Variants in MIPEP observed in about 807,000 individuals in gnomAD.
MIPEP encodes the protein mitochondrial intermediate peptidase.
MIPEP carries 79 observed loss-of-function variants against 90.3 expected under a neutral mutation model. That is an observed-to-expected ratio of 0.87 (90% CI 0.73 to 1.05). The LOEUF is 1.05. Ranked by LOEUF, MIPEP falls within the 50% of genes least tolerant of loss-of-function variation. The pLI, the probability that MIPEP is intolerant of heterozygous loss-of-function variation, is 0.00. For missense variants in MIPEP, 940 were observed against 905.6 expected (o/e 1.04, Z -0.49); for synonymous variants, 334 against 315.8 (o/e 1.06, Z -0.61).
intron 16 of MIPEP, among the ~76,000 whole-genome samples, chr13:23,805,528 CAAGAT>C (rs1006282687): frequency 1.1e-4 from 16 of 152,142 alleles, no homozygotes; most frequent in African/African-American, 3.4e-4. Context: ...TGGTACTCAA[CAAGAT>C]AAGATATGTA....
intron 17 of MIPEP, 95 bp from the exon 18 acceptor site, chr13:23,756,713 T>G: frequency 8.4e-7 from 1 of 1,189,214 alleles, no homozygotes; most frequent in Non-Finnish European, 1.2e-6. Flanking sequence ...GATGCCATAT[T>G]CATAAAAGCT....
intron 18 of MIPEP, among the ~76,000 whole-genome samples, chr13:23,743,680 T>G (rs1360827416): frequency 1.3e-5 from 2 of 152,236 alleles, no homozygotes; most frequent in Admixed American, 1.3e-4. Context: ...TTAGTTTATT[T>G]TAATTTCATT....
At chr13:23,786,060 A>C (rs1952835859) in intron 16 of MIPEP, among the ~76,000 whole-genome samples, 1 of 152,062 alleles carries the variant, frequency 6.6e-6, no homozygotes, top group Non-Finnish European at 1.5e-5. Flanking sequence ...CTCTACAAAA[A>C]ACAGTAATAA....
chr13:23,768,711 G>C (rs1200156400), intron 16 of MIPEP, among the ~76,000 whole-genome samples: 1 of 152,094 alleles, frequency 6.6e-6, no homozygotes, highest in Non-Finnish European at 1.5e-5. Flanking sequence ...CTCCAGCCTG[G>C]GTGACAGAGT....
intron 4 of MIPEP, among the ~76,000 whole-genome samples, chr13:23,878,360 T>G (rs1871151118): frequency 6.6e-6 from 1 of 152,170 alleles, no homozygotes; most frequent in Non-Finnish European, 1.5e-5. Context: ...CCTCAAAGAC[T>G]GAGTTACTCA....
chr13:23,843,639 G>A (rs1231015991), intron 10 of MIPEP, among the ~76,000 whole-genome samples: 2 of 152,212 alleles, frequency 1.3e-5, no homozygotes, highest in Non-Finnish European at 2.9e-5. Context: ...GGCCATAGGG[G>A]AGCATCTGAT....
At chr13:23,785,250 C>T (rs1249385491) in intron 16 of MIPEP, among the ~76,000 whole-genome samples, 2 of 152,056 alleles carry the variant, frequency 1.3e-5, no homozygotes, top group African/African-American at 4.8e-5. Flanking sequence ...AAATGTCCAA[C>T]AATGATAGAC....
At chr13:23,832,186 G>A (rs1185463393) in intron 14 of MIPEP, among the ~76,000 whole-genome samples, 1 of 152,102 alleles carries the variant, frequency 6.6e-6, no homozygotes, top group East Asian at 1.9e-4. Flanking sequence ...GAGTGGGACT[G>A]CTGGCTTTAT....
At chr13:23,783,660 A>T (rs1327804952) in intron 16 of MIPEP, among the ~76,000 whole-genome samples, 1 of 152,186 alleles carries the variant, frequency 6.6e-6, no homozygotes, top group East Asian at 1.9e-4. Context: ...GAAGTCAAAT[A>T]GTCCCTGTTT....
intron 4 of MIPEP, among the ~76,000 whole-genome samples, chr13:23,875,463 C>T (rs1871031140): frequency 6.6e-6 from 1 of 151,288 alleles, no homozygotes; most frequent in Admixed American, 6.6e-5. Context: ...AGTTTCTTGG[C>T]TAATGAGAAT....
Position 23,868,733 on chromosome 13 carries a change from T to C in MIPEP, c.943+559A>G, listed in dbSNP as rs904057968. ...TGAAAAAACGTATTATGTACATTTA[T>C]ATTATTATTGTGTAACATTTTCTCT... On this transcript the variant is annotated intron_variant, in intron 7 of 18. Coordinates refer to ENST00000382172, the MANE Select transcript of MIPEP (RefSeq NM_005932.4). Among the ~76,000 whole-genome samples, 44 of 152,312 alleles carry C rather than the reference T, an allele frequency of 2.9e-4. 1 individual carries two copies. Among genetic ancestry groups the C allele is most frequent in the African/African-American group, 1.0e-3 (42 of 41,550 alleles).
At chr13:23,870,907 C>T (rs1339809742) in intron 5 of MIPEP, among the ~76,000 whole-genome samples, 1 of 152,198 alleles carries the variant, frequency 6.6e-6, no homozygotes, top group Non-Finnish European at 1.5e-5. Flanking sequence ...TGTGGTAGCA[C>T]ACGCCTGCAG....
chr13:23,869,296 AT>A lies in MIPEP; in HGVS notation c.938del (p.Asn313IlefsTer21). ...ATGTTGGATAAACAGGCTTACCTGG[AT>A]TTTTAGCTATCGTTCCTTGGAGAGC... ...HRALQGTIAK[N>X]PETVMQFLEK... On this transcript the variant is annotated frameshift_variant, in exon 7 of 19. Transcript: ENST00000382172. LOFTEE classifies it high-confidence loss of function. The A allele has an allele frequency of 6.3e-7, 1 of 1,589,796 alleles. No homozygotes were observed. Among genetic ancestry groups the A allele is most frequent in the Non-Finnish European group, 8.5e-7 (1 of 1,172,334 alleles).
At chr13:23,858,777 G>C (rs113505799) in intron 10 of MIPEP, 83 bp downstream of exon 10, 12 of 1,201,538 alleles carry the variant, frequency 1.0e-5, no homozygotes, top group East Asian at 4.7e-5. Context: ...TACTGTGGGC[G>C]ACTCAGTGGA....
chr13:23,763,940 A>G (rs530440094), intron 16 of MIPEP, among the ~76,000 whole-genome samples: 1 of 152,216 alleles, frequency 6.6e-6, no homozygotes, highest in South Asian at 2.1e-4. Flanking sequence ...TGCTAATTCA[A>G]CCTAATATTA....
chr13:23,815,783 C>G (rs1953226668), intron 14 of MIPEP, among the ~76,000 whole-genome samples: 1 of 152,182 alleles, frequency 6.6e-6, no homozygotes, highest in Admixed American at 6.5e-5. Flanking sequence ...CTATTAATAT[C>G]TTCGATATTT....
chr13:23,784,337 A>G (rs1445162068), intron 16 of MIPEP, among the ~76,000 whole-genome samples: 1 of 152,180 alleles, frequency 6.6e-6, no homozygotes, highest in East Asian at 1.9e-4. Context: ...AACACCACAC[A>G]TCTATGACCA....
At chr13:23,788,181 A>G (rs976456813) in intron 16 of MIPEP, among the ~76,000 whole-genome samples, 2 of 152,252 alleles carry the variant, frequency 1.3e-5, no homozygotes, top group African/African-American at 2.4e-5. Flanking sequence ...AGTTTTCTTC[A>G]GTCTATTTTA....
rs564582363 is a variant in MIPEP, at chr13:23,848,576, T to C, written c.1107-7088A>G. Among the ~76,000 whole-genome samples, 13 of 152,172 alleles carry C rather than the reference T, an allele frequency of 8.5e-5. No individual in the cohort carries two copies. The South Asian group carries it at 2.3e-3, about 27-fold the overall frequency. The stretch of plus-strand genomic sequence containing the variant: ...AGATGAGGCTGTGGTCAGTTACACC[T>C]GGCAGAGGGGAGAAGCTGGGAATGG... On this transcript the variant is annotated intron_variant, in intron 10 of 18. Transcript: ENST00000382172.
Sources: allele counts gnomAD v4.1 joint callset (sites outside exome capture counted in the v4.1 genomes callset), GRCh38; gene constraint gnomAD v4.1.1; transcripts MANE v1.5; gene names NCBI Gene and HGNC (gene_info 2026-07-23, HGNC 2026-07-21).